The following PDE1C variants were observed in gnomAD, a reference collection of about 807,000 sequenced individuals.
PDE1C encodes dual specificity calcium/calmodulin-dependent 3',5'-cyclic nucleotide phosphodiesterase 1C.
A neutral mutation model predicts 93.1 loss-of-function variants in PDE1C; 62 were observed. That is an observed-to-expected ratio of 0.67 (90% confidence interval 0.54 to 0.82). PDE1C has a LOEUF of 0.82. Among genes scored for constraint, PDE1C ranks in the 40% least tolerant of loss-of-function variants. PDE1C has a pLI of 0.00. For missense variants in PDE1C, 742 were observed against 884.6 expected (o/e 0.84, Z 2.04); for synonymous variants, 325 against 310.1 (o/e 1.05, Z -0.50).
chr7:31,679,165 T>G, the PDE1C span, among the ~76,000 whole-genome samples: 1 of 152,152 alleles, frequency 6.6e-6, no homozygotes, highest in South Asian at 2.1e-4. Flanking sequence ...ATGTGGGCAA[T>G]CCAGAGCTGC....
At chr7:31,756,212 T>A (rs540796621) in intron 17 of PDE1C, among the ~76,000 whole-genome samples, 3 of 152,222 alleles carry the variant, frequency 2.0e-5, no homozygotes, top group African/African-American at 7.2e-5. Context: ...TAACTTTATA[T>A]AGAGAAATCT....
chr7:32,407,128 A>T (rs11980524), intron 1 of PDE1C, among the ~76,000 whole-genome samples: 1,961 of 152,166 alleles, frequency 0.013, 46 homozygotes, highest in African/African-American at 0.044. Context: ...GCAAAAAATT[A>T]TCGGGGTGTA....
At chr7:32,133,937 A>C (rs184681598) in intron 3 of PDE1C, among the ~76,000 whole-genome samples, 1 of 151,994 alleles carries the variant, frequency 6.6e-6, no homozygotes, top group African/African-American at 2.4e-5. Flanking sequence ...AATATAAAAT[A>C]TATTTATATC....
At chr7:31,696,681 C>T in the PDE1C span, among the ~76,000 whole-genome samples, 1 of 152,156 alleles carries the variant, frequency 6.6e-6, no homozygotes, top group Non-Finnish European at 1.5e-5. Flanking sequence ...CATTTCTTTG[C>T]CTGACTTCCC....
chr7:31,804,244 T>C (rs1425960238), intron 16 of PDE1C, among the ~76,000 whole-genome samples: 1 of 151,894 alleles, frequency 6.6e-6, no homozygotes, highest in Non-Finnish European at 1.5e-5. Context: ...GCATATAGGC[T>C]ACAGCTTATT....
intron 3 of PDE1C, among the ~76,000 whole-genome samples, chr7:32,080,495 G>A (rs1317319577): frequency 6.6e-6 from 1 of 152,152 alleles, no homozygotes; most frequent in Non-Finnish European, 1.5e-5. Context: ...GAGCTACTCA[G>A]GGAAACGCAA....
intron 2 of PDE1C, among the ~76,000 whole-genome samples, chr7:31,959,695 TAA>T (rs1808649197): frequency 6.6e-6 from 1 of 152,160 alleles, no homozygotes. Context: ...AGAATGAAAA[TAA>T]AGTTTCCAAT....
intron 1 of PDE1C, among the ~76,000 whole-genome samples, chr7:32,238,314 A>C (rs1808285326): frequency 6.6e-6 from 1 of 152,264 alleles, no homozygotes; most frequent in Non-Finnish European, 1.5e-5. Flanking sequence ...CATTATGAAG[A>C]AACTTATAAA....
chr7:31,923,951 G>A (rs892133794), intron 2 of PDE1C, among the ~76,000 whole-genome samples: 4 of 152,182 alleles, frequency 2.6e-5, no homozygotes, highest in Admixed American at 6.5e-5. Flanking sequence ...TACTTCCTAA[G>A]ATGAACTTTT....
the PDE1C span, among the ~76,000 whole-genome samples, chr7:31,690,441 A>G: frequency 6.6e-6 from 1 of 152,366 alleles, no homozygotes; most frequent in South Asian, 2.1e-4. Context: ...CTGTGTGGGC[A>G]CCACAAAGAT....
chr7:31,982,624 AAT>A (rs747053295), intron 2 of PDE1C, among the ~76,000 whole-genome samples: 2 of 152,042 alleles, frequency 1.3e-5, no homozygotes. Context: ...AGCCAAAACC[AAT>A]AGGTTTTGAA....
intron 17 of PDE1C, among the ~76,000 whole-genome samples, chr7:31,766,070 G>C (rs1795124422): frequency 6.6e-6 from 1 of 152,134 alleles, no homozygotes. Flanking sequence ...GATATTTGTA[G>C]ATATGCAATA....
At chr7:32,391,618 A>G (rs545031286) in intron 1 of PDE1C, among the ~76,000 whole-genome samples, 1 of 152,304 alleles carries the variant, frequency 6.6e-6, no homozygotes, top group South Asian at 2.1e-4. Flanking sequence ...ACTAAATTTT[A>G]AAAGGTTGAA....
At chr7:32,205,108 A>G (rs4723129) in intron 2 of PDE1C, among the ~76,000 whole-genome samples, 51,761 of 152,074 alleles carry the variant, frequency 0.34, 9,403 homozygotes, top group Admixed American at 0.46. Context: ...TCATATAATG[A>G]ATTCCAGGTT....
chr7:31,884,911 T>C (rs1388736085), intron 2 of PDE1C, among the ~76,000 whole-genome samples: 1 of 152,210 alleles, frequency 6.6e-6, no homozygotes. Flanking sequence ...GCCAGGATCT[T>C]TCATACCCAT....
At chr7:31,865,145 G>T in intron 6 of PDE1C, 63 bp from the exon 7 acceptor site, 3 of 1,574,380 alleles carry the variant, frequency 1.9e-6, no homozygotes, top group South Asian at 1.1e-5. Flanking sequence ...AGACACAGAA[G>T]TCTAAGGCAC....
chr7:32,078,660 C>G (rs945624846), intron 3 of PDE1C, among the ~76,000 whole-genome samples: 3 of 152,134 alleles, frequency 2.0e-5, no homozygotes, highest in Admixed American at 6.5e-5. Context: ...CATGGTAGCT[C>G]ACACCTATAA....
At chr7:32,186,392 G>A (rs1012712470) in intron 2 of PDE1C, among the ~76,000 whole-genome samples, 2 of 152,130 alleles carry the variant, frequency 1.3e-5, no homozygotes, top group African/African-American at 2.4e-5. Context: ...GTGAGCCACC[G>A]CGCCCGGCCC....
chr7:31,639,204 T>G, the PDE1C span, among the ~76,000 whole-genome samples: 1 of 152,200 alleles, frequency 6.6e-6, no homozygotes, highest in South Asian at 2.1e-4. Context: ...CTCTTTGGGA[T>G]TTTTCAGTTA....
Sources: allele counts gnomAD v4.1 joint callset (sites outside exome capture counted in the v4.1 genomes callset), GRCh38; gene constraint gnomAD v4.1.1; transcripts MANE v1.5; gene names NCBI Gene and HGNC (gene_info 2026-07-23, HGNC 2026-07-21).